Variants in ARHGEF26 observed in about 807,000 individuals in gnomAD.
ARHGEF26 encodes Rho guanine nucleotide exchange factor (GEF) 26.
A neutral mutation model predicts 89.4 loss-of-function variants in ARHGEF26; 59 were observed. That is an observed-to-expected ratio of 0.66 (90% CI 0.54 to 0.82). The LOEUF (loss-of-function observed/expected upper bound fraction) is 0.82. Ranked by LOEUF, ARHGEF26 falls within the 40% of genes least tolerant of loss-of-function variation. The pLI is 0.00. For missense variants in ARHGEF26, 1,234 were observed against 1,085.6 expected (o/e 1.14, Z -1.92); for synonymous variants, 500 against 428.4 (o/e 1.17, Z -2.06).
intron 6 of ARHGEF26, among the ~76,000 whole-genome samples, chr3:154,157,620 C>T (rs920053547): frequency 3.9e-5 from 6 of 152,112 alleles, no homozygotes; most frequent in African/African-American, 1.4e-4. Context: ...TGGAAACTGA[C>T]AGGGGCCTCC....
At chr3:154,179,520 G>A (rs1275522386) in intron 6 of ARHGEF26, among the ~76,000 whole-genome samples, 2 of 146,098 alleles carry the variant, frequency 1.4e-5, no homozygotes, top group Non-Finnish European at 3.1e-5. Context: ...GAACAGAGAG[G>A]GCTAGCCTCT....
At chr3:154,219,740 C>T (rs1245801623) in intron 10 of ARHGEF26, among the ~76,000 whole-genome samples, 1 of 151,540 alleles carries the variant, frequency 6.6e-6, no homozygotes, top group Non-Finnish European at 1.5e-5. Flanking sequence ...AGTGAAACCC[C>T]TTTTCTACTA....
rs183781170 is a variant in ARHGEF26 at position 154,196,392 on chromosome 3, A to G, written c.1845+1674A>G. ...GAGGTTGGCACAGAGGAGCAAAGATAATGGTAGCATCAGAAGCTTCCTAAA... is the reference window on the plus strand; with the variant it reads ...GAGGTTGGCACAGAGGAGCAAAGATGATGGTAGCATCAGAAGCTTCCTAAA... On this transcript the variant is annotated intron_variant, in intron 9 of 14. Transcript: ENST00000465093. Among the ~76,000 whole-genome samples the G allele has an allele frequency of 2.0e-5, 3 of 152,260 alleles. No individual in the cohort carries two copies. In the East Asian group the frequency reaches 5.8e-4, roughly 29 times the overall value.
intron 11 of ARHGEF26, among the ~76,000 whole-genome samples, chr3:154,239,773 G>A (rs919151176): frequency 3.9e-5 from 6 of 152,162 alleles, no homozygotes; most frequent in Admixed American, 1.3e-4. Flanking sequence ...GAGTGCAGGA[G>A]AAAGAAGGAT....
intron 6 of ARHGEF26, among the ~76,000 whole-genome samples, chr3:154,163,046 T>A (rs780459289): frequency 1.6e-4 from 24 of 152,310 alleles, no homozygotes; most frequent in South Asian, 4.1e-4. Flanking sequence ...ACTCACTGAT[T>A]CACCAAAAAT....
intron 14 of ARHGEF26, 48 bp from the exon 15 acceptor site, chr3:154,255,283 A>C: frequency 6.3e-7 from 1 of 1,575,790 alleles, no homozygotes; most frequent in Non-Finnish European, 8.7e-7. Flanking sequence ...GGAGCCTGGC[A>C]CACTCCAAAT....
chr3:154,137,813 T>A (rs1231616579), intron 4 of ARHGEF26, among the ~76,000 whole-genome samples: 2 of 139,364 alleles, frequency 1.4e-5, no homozygotes. Flanking sequence ...CCCTATCTCT[T>A]AAAAAAAAAA....
intron 6 of ARHGEF26, among the ~76,000 whole-genome samples, chr3:154,174,690 G>T (rs1483804228): frequency 6.6e-6 from 1 of 151,968 alleles, no homozygotes; most frequent in East Asian, 1.9e-4. Flanking sequence ...ATATGCCTTT[G>T]TCAGATTTTT....
At chr3:154,235,843 C>T (rs1430530591) in intron 11 of ARHGEF26, among the ~76,000 whole-genome samples, 1 of 152,194 alleles carries the variant, frequency 6.6e-6, no homozygotes, top group Admixed American at 6.5e-5. Context: ...AGTACCTGCT[C>T]CGCTGAAGTT....
At chr3:154,175,156 C>G (rs934452981) in intron 6 of ARHGEF26, among the ~76,000 whole-genome samples, 2 of 152,036 alleles carry the variant, frequency 1.3e-5, no homozygotes, top group Non-Finnish European at 2.9e-5. Context: ...GATGGCATCC[C>G]ATTCATCTTG....
chr3:154,149,388 G>A lies in ARHGEF26; in HGVS notation c.1270-1G>A. ...CAACTCTACTTTGCTTTTTCTCCTA[G>A]GTGAAAAGAAAGGGATTATCTCAGA... On this transcript the variant is annotated splice_acceptor_variant, in intron 4 of 14. Coordinates refer to ENST00000465093, the MANE Select transcript of ARHGEF26 (RefSeq NM_015595.4). LOFTEE classifies it high-confidence loss of function. 6.2e-7 allele frequency: 1 copy of A among 1,602,840 alleles called. No homozygotes were observed. The highest frequency in any genetic ancestry group is 1.3e-5 in the African/African-American group (1 of 74,830).
chr3:154,129,093 A>G (rs1018699649), intron 3 of ARHGEF26, among the ~76,000 whole-genome samples: 4 of 152,158 alleles, frequency 2.6e-5, no homozygotes, highest in Admixed American at 1.3e-4. Context: ...TTTTTTAATT[A>G]AACTGTTAGC....
intron 9 of ARHGEF26, among the ~76,000 whole-genome samples, chr3:154,214,459 C>A (rs950235743): frequency 6.6e-6 from 1 of 152,030 alleles, no homozygotes; most frequent in Non-Finnish European, 1.5e-5. Context: ...GAGGGCAAAG[C>A]AGAGGGAGGG....
At chr3:154,212,237 G>A (rs1256786164) in intron 9 of ARHGEF26, among the ~76,000 whole-genome samples, 1 of 151,848 alleles carries the variant, frequency 6.6e-6, no homozygotes. Flanking sequence ...AGACTGAGGT[G>A]GGAGGATTGC....
intron 9 of ARHGEF26, among the ~76,000 whole-genome samples, chr3:154,214,180 C>G (rs902252892): frequency 6.6e-6 from 1 of 152,166 alleles, no homozygotes; most frequent in South Asian, 2.1e-4. Context: ...GGCACCAGAT[C>G]ATGAAGGGTC....
At chr3:154,224,677 A>G (rs1716363787) in intron 10 of ARHGEF26, among the ~76,000 whole-genome samples, 1 of 152,066 alleles carries the variant, frequency 6.6e-6, no homozygotes, top group Non-Finnish European at 1.5e-5. Context: ...CTGTAGGGTA[A>G]TTGTCTGATT....
chr3:154,225,730 CTATAAA>C (rs1398663498), intron 10 of ARHGEF26, 120 bp from the exon 11 acceptor site: 5 of 986,844 alleles, frequency 5.1e-6, no homozygotes, highest in Non-Finnish European at 7.1e-6. Context: ...TTTTATATGC[CTATAAA>C]ACAATGATGC....
At chr3:154,155,935 A>G (rs978501326) in intron 6 of ARHGEF26, among the ~76,000 whole-genome samples, 1 of 152,056 alleles carries the variant, frequency 6.6e-6, no homozygotes, top group Admixed American at 6.6e-5. Context: ...ATTTAATAAT[A>G]TGGACTTTAA....
intron 6 of ARHGEF26, among the ~76,000 whole-genome samples, chr3:154,186,165 A>ACACACAC (rs766757043): frequency 5.3e-5 from 8 of 150,138 alleles, no homozygotes; most frequent in African/African-American, 2.0e-4. Flanking sequence ...ACACACACAC[A>ACACACAC]CCCCTATACA....
Sources: allele counts gnomAD v4.1 joint callset (sites outside exome capture counted in the v4.1 genomes callset), GRCh38; gene constraint gnomAD v4.1.1; transcripts MANE v1.5; gene names NCBI Gene and HGNC (gene_info 2026-07-23, HGNC 2026-07-21).